The following ZNF728 variants were observed in gnomAD, a reference collection of about 807,000 sequenced individuals.
ZNF728 encodes zinc finger protein 728.
In ZNF728, 12 loss-of-function variants were observed where a neutral mutation model predicts 12.5. The ratio of observed to expected loss-of-function variants is 0.96; its 90% confidence interval spans 0.61 to 1.55. The LOEUF is 1.55. Among genes scored for constraint, ZNF728 ranks in the 40% most tolerant of loss-of-function variants. The probability of loss-of-function intolerance (pLI) is 0.00; values close to 1 mark genes in which losing one functional copy is unlikely to be tolerated. For missense variants in ZNF728, 692 were observed against 719.2 expected (o/e 0.96, Z 0.43); for synonymous variants, 205 against 240.7 (o/e 0.85, Z 1.37).
chr19:23,000,866 AAAAAAAAAAAAAAAAAAAACC>A (rs1348761458), intron 1 of ZNF728, among the ~76,000 whole-genome samples: 43 of 113,684 alleles, frequency 3.8e-4, no homozygotes, highest in East Asian at 1.3e-3. Context: ...AAACACTGTC[AAAAAAAAAAAAAAAAAAAACC>A]AAAAAAAAAA....
At chr19:22,996,145 T>A (rs1969048137) in intron 1 of ZNF728, among the ~76,000 whole-genome samples, 1 of 152,206 alleles carries the variant, frequency 6.6e-6, no homozygotes, top group South Asian at 2.1e-4. Context: ...GTACTAGTCA[T>A]AAGGTATGTA....
At chr19:22,994,843 G>C (rs2145350952) in intron 1 of ZNF728, 1 of 152,328 alleles carries the variant, frequency 6.6e-6, no homozygotes, top group Admixed American at 6.5e-5. Flanking sequence ...TCCCTCTCCT[G>C]GTGGCTAGTG....
At position 22,975,906 on chromosome 19, in the gene ZNF728, C is replaced by T. The variant is rs768902421; in HGVS notation, c.1431G>A (p.Glu477=). The T allele has an allele frequency of 1.2e-5, 19 of 1,605,948 alleles. No individual in the cohort carries two copies. In the Admixed American group the frequency reaches 3.2e-4, roughly 27 times the overall value. ...LTTHKAIHAG[E]KLYKCEECGK... is the part of the protein sequence containing the mutation. ...CACATTCTTCACATTTGTAGAGTTT[C>T]TCTCCAGCATGAATTGCCTTATGTG... The change falls in exon 4 of 4, where the codon GAG becomes GAA. Residue 477 remains glutamate (E), a synonymous_variant. Coordinates refer to ENST00000594710, the MANE Select transcript of ZNF728 (RefSeq NM_001267716.2).
At chr19:22,979,716 T>C (rs1968841894) in intron 3 of ZNF728, among the ~76,000 whole-genome samples, 3 of 152,138 alleles carry the variant, frequency 2.0e-5, no homozygotes, top group Non-Finnish European at 4.4e-5. Flanking sequence ...TTCAACATTC[T>C]TAAAGAAAGG....
rs766784429 is a variant in ZNF728 at position 22,976,371 on chromosome 19, G to A, written c.966C>T (p.Asn322=). ...YKCEECGKAF[N]RSSNLMEHKR... ...TATGTTCCATAAGGTTTGAGGACCG[G>A]TTGAAAGCTTTGCCACATTCTTCAC... Residue 322 remains asparagine, a synonymous_variant, in exon 4 of 4, where the codon AAC becomes AAT. Coordinates refer to ENST00000594710, the MANE Select transcript of ZNF728 (RefSeq NM_001267716.2). 3.7e-6 allele frequency: 6 copies of A among 1,607,234 alleles called. No homozygotes were observed. Among genetic ancestry groups the A allele is most frequent in the Non-Finnish European group, 5.1e-6 (6 of 1,178,282 alleles).
chr19:22,988,600 A>G lies in ZNF728; in HGVS notation c.4-149T>C, dbSNP rs921061928. ...ATTCAATAAAATAGTTTTCAACACAACAATATTCTCTAATGTATTCTCTAA... is the reference window on the plus strand; with the variant it reads ...ATTCAATAAAATAGTTTTCAACACAGCAATATTCTCTAATGTATTCTCTAA... On this transcript the variant is annotated intron_variant, in intron 1 of 3. Transcript: ENST00000594710. 327 of 1,189,078 alleles carry G rather than the reference A, an allele frequency of 2.8e-4. 3 individuals carry two copies. Among genetic ancestry groups the G allele is most frequent in the Admixed American group, 1.1e-4 (4 of 37,646 alleles). 73.7% of individuals were successfully genotyped at this position (1,189,078 alleles called of 1,614,324 possible).
At chr19:22,980,411 G>T (rs1968850052) in intron 3 of ZNF728, among the ~76,000 whole-genome samples, 1 of 152,116 alleles carries the variant, frequency 6.6e-6, no homozygotes, top group South Asian at 2.1e-4. Flanking sequence ...AAGAGACTTA[G>T]ATTCCCACAC....
Position 22,983,659 on chromosome 19 carries a change from C to T in ZNF728, c.226+3649G>A, listed in dbSNP as rs192519836. On this transcript the variant is annotated intron_variant, in intron 3 of 3. Coordinates refer to ENST00000594710, the MANE Select transcript of ZNF728 (RefSeq NM_001267716.2). ...AAGAAAATGTGGCACATATATACCA[C>T]GGAATACTATGCAGCCATAAAAAAG... is the stretch of plus-strand genomic sequence containing the variant. Among the ~76,000 whole-genome samples the T allele has an allele frequency of 5.7e-3, 864 of 152,228 alleles. 10 individuals carry two copies. Among genetic ancestry groups the T allele is most frequent in the African/African-American group, 0.018 (768 of 41,544 alleles).
At chr19:23,000,862 TGTCAAAAAAAAAAAAAAAAAAA>T (rs1162143484) in intron 1 of ZNF728, among the ~76,000 whole-genome samples, 31 of 88,960 alleles carry the variant, frequency 3.5e-4, no homozygotes, top group African/African-American at 1.6e-3. Context: ...AGGAAAACAC[TGTCAAAAAAAAAAAAAAAAAAA>T]ACCAAAAAAA....
At chr19:23,000,464 CAAAT>C (rs1389276427) in intron 1 of ZNF728, among the ~76,000 whole-genome samples, 1 of 151,792 alleles carries the variant, frequency 6.6e-6, no homozygotes, top group African/African-American at 2.4e-5. Context: ...GAATTTTCAA[CAAAT>C]AAAATATACA....
At chr19:22,977,369 T>G (rs1411316961) in intron 3 of ZNF728, among the ~76,000 whole-genome samples, 2 of 152,224 alleles carry the variant, frequency 1.3e-5, no homozygotes, top group Non-Finnish European at 2.9e-5. Context: ...AAGAAAAGTT[T>G]GTTAAATTTA....
In ZNF728 at chr19:22,987,304, C is replaced by T; in HGVS notation, c.226+4G>A. 4 of 1,609,328 alleles carry T rather than the reference C, an allele frequency of 2.5e-6. No individual in the cohort carries two copies. Among genetic ancestry groups the T allele is most frequent in the Non-Finnish European group, 3.4e-6 (4 of 1,177,554 alleles). Reference sequence around the variant, plus strand: ...CCATGTTGTCTGTATTCATTCTCACCTACCTGGCGGTTCTTTCACCAGCTC... The same window carrying T: ...CCATGTTGTCTGTATTCATTCTCACTTACCTGGCGGTTCTTTCACCAGCTC... On this transcript the variant is annotated splice_donor_region_variant and intron_variant, in intron 3 of 3. Coordinates refer to ENST00000594710, the MANE Select transcript of ZNF728 (RefSeq NM_001267716.2).
At chr19:22,982,098 C>T (rs182912436) in intron 3 of ZNF728, among the ~76,000 whole-genome samples, 1 of 152,228 alleles carries the variant, frequency 6.6e-6, no homozygotes, top group Admixed American at 6.6e-5. Context: ...CTTTCTCTAT[C>T]TGCAGATGAC....
intron 3 of ZNF728, 127 bp downstream of exon 3, chr19:22,987,181 A>G (rs1968925235): frequency 1.1e-6 from 1 of 873,422 alleles, no homozygotes; most frequent in African/African-American, 1.7e-5. Context: ...TTAAAAAATA[A>G]AAATAAAAAT....
chr19:22,994,075 CTGAT>C lies in ZNF728; in HGVS notation c.4-5628_4-5625del, dbSNP rs1969022663. ...GTCTGCTCAATGCACATATTTTACTCTGATTGGGCCCCATGGTCACTGAATCAGT... is the reference window on the plus strand; with the variant it reads ...GTCTGCTCAATGCACATATTTTACTCTGGGCCCCATGGTCACTGAATCAGT... On this transcript the variant is annotated intron_variant, in intron 1 of 3. Coordinates refer to ENST00000594710, the MANE Select transcript of ZNF728 (RefSeq NM_001267716.2). 2.6e-5 allele frequency among the ~76,000 whole-genome samples: 4 copies of C among 152,254 alleles called. No homozygotes were observed. The East Asian group carries it at 7.7e-4, about 29-fold the overall frequency.
intron 1 of ZNF728, 130 bp from the exon 2 acceptor site, chr19:22,988,581 TA>T: frequency 7.5e-7 from 1 of 1,339,566 alleles, no homozygotes. Flanking sequence ...AATCATTCAA[TA>T]AAATAGTTTT....
At chr19:22,998,628 C>A (rs1969074981) in intron 1 of ZNF728, among the ~76,000 whole-genome samples, 2 of 152,108 alleles carry the variant, frequency 1.3e-5, no homozygotes, top group Non-Finnish European at 2.9e-5. Context: ...TAGAGCTACT[C>A]ACAGAACTCA....
chr19:22,977,090 G>C lies in ZNF728; in HGVS notation c.247C>G (p.Gln83Glu), dbSNP rs201660325. ...CTGCCCTGCTCTGGCCAAAGGTCTT[G>C]AGCAAAATGAGAACATATAACTGAA... Reference protein sequence around the residue: ...EPPVICSHFAQDLWPEQGRED... With the variant: ...EPPVICSHFAEDLWPEQGRED... The change falls in exon 4 of 4, where the codon CAA (glutamine) becomes GAA (glutamate). Residue 83 changes from glutamine (Q) to glutamate (E), a missense_variant. Around this residue, in one of 3 missense-constraint regions of ZNF728, gnomAD observed 440 missense variants for 459.6 expected, o/e 0.96. Coordinates refer to ENST00000594710, the MANE Select transcript of ZNF728 (RefSeq NM_001267716.2). 2.3e-5 allele frequency: 36 copies of C among 1,578,552 alleles called. No homozygotes were observed. Among genetic ancestry groups the C allele is most frequent in the Non-Finnish European group, 2.7e-5 (32 of 1,166,628 alleles).
At chr19:23,002,308 T>C (rs1367811362) in intron 1 of ZNF728, among the ~76,000 whole-genome samples, 1 of 152,146 alleles carries the variant, frequency 6.6e-6, no homozygotes, top group African/African-American at 2.4e-5. Context: ...GAGTGAGACT[T>C]TGTCTCAAAA....
Sources: gnomAD v4.1 joint callset for allele counts (sites outside exome capture counted in the v4.1 genomes callset) on GRCh38, gnomAD v4.1.1 for gene constraint, gnomAD v4.1.1 regional missense constraint, MANE v1.5 for transcripts, NCBI Gene and HGNC (gene_info 2026-07-23, HGNC 2026-07-21) for gene names.